The following AGBL1 variants were observed in gnomAD, a reference collection of about 807,000 sequenced individuals.
AGBL1 encodes the protein AGBL carboxypeptidase 1, also known as cytosolic carboxypeptidase 4.
A neutral mutation model predicts 118.9 loss-of-function variants in AGBL1; 130 were observed. The observed-to-expected ratio is 1.09, with a 90% CI of 0.95 to 1.26. The LOEUF is 1.26. AGBL1 is among the 50% of genes most tolerant of loss of function. AGBL1 has a pLI of 0.00. For synonymous variants in AGBL1, 555 were observed against 478.9 expected, an observed-to-expected ratio of 1.16 and a Z score of -2.08; for missense variants, 1,584 against 1,298.1, an observed-to-expected ratio of 1.22 and a Z score of -3.38.
chr15:86,599,182 G>A (rs186070027), intron 21 of AGBL1, among the ~76,000 whole-genome samples: 9 of 152,196 alleles, frequency 5.9e-5, no homozygotes, highest in Admixed American at 5.9e-4. Flanking sequence ...AAGTTTTTAA[G>A]CCAGAGTTAC....
chr15:86,157,595 G>A (rs955913261), intron 4 of AGBL1, among the ~76,000 whole-genome samples: 1 of 152,026 alleles, frequency 6.6e-6, no homozygotes, highest in Non-Finnish European at 1.5e-5. Flanking sequence ...TGTTCCATAA[G>A]GTATTTAAAA....
At chr15:86,430,177 C>T (rs765474786) in intron 18 of AGBL1, among the ~76,000 whole-genome samples, 25 of 152,132 alleles carry the variant, frequency 1.6e-4, no homozygotes, top group Non-Finnish European at 2.8e-4. Flanking sequence ...ATTTACTAAG[C>T]ACCTTAAAGC....
chr15:86,963,099 T>C (rs767647147), intron 23 of AGBL1, among the ~76,000 whole-genome samples: 49 of 152,122 alleles, frequency 3.2e-4, no homozygotes, highest in Non-Finnish European at 5.9e-5. Flanking sequence ...TGAATTCATA[T>C]ATATCAGCAT....
intron 18 of AGBL1, among the ~76,000 whole-genome samples, chr15:86,426,124 A>G (rs892900704): frequency 2.0e-5 from 3 of 152,214 alleles, no homozygotes; most frequent in Admixed American, 6.5e-5. Flanking sequence ...ACAGGAACCA[A>G]TATAGAAATG....
At chr15:86,211,055 T>G (rs191051747) in intron 5 of AGBL1, among the ~76,000 whole-genome samples, 1 of 152,348 alleles carries the variant, frequency 6.6e-6, no homozygotes, top group Admixed American at 6.5e-5. Flanking sequence ...TTGTTAGTTT[T>G]CCTTCTAAGA....
At chr15:86,920,779 C>T (rs1387017992), downstream of AGBL1, among the ~76,000 whole-genome samples, 2 of 152,122 alleles carry the variant, frequency 1.3e-5, no homozygotes, top group African/African-American at 2.4e-5. Flanking sequence ...GATTTGAACT[C>T]GACAAGTACA....
rs2077615187 is a variant in AGBL1, at chr15:86,185,425, T to C, written c.488+26399T>C. ...TACTGGATATATACCCAAAGGATTA[T>C]AAATCATGCTGCTATAAAGACACAT... On this transcript the variant is annotated intron_variant, in intron 5 of 22. Transcript: ENST00000614907. 2.0e-5 allele frequency among the ~76,000 whole-genome samples: 3 copies of C among 152,146 alleles called. No individual in the cohort carries two copies. In the South Asian group the frequency reaches 6.2e-4, roughly 32 times the overall value.
At chr15:86,835,152 A>C (rs2079153739) in intron 22 of AGBL1, among the ~76,000 whole-genome samples, 1 of 152,142 alleles carries the variant, frequency 6.6e-6, no homozygotes, top group Non-Finnish European at 1.5e-5. Context: ...GTCCAGGCTA[A>C]GACAGGTGTA....
At chr15:86,748,425 G>A (rs2077790769) in intron 22 of AGBL1, among the ~76,000 whole-genome samples, 1 of 143,404 alleles carries the variant, frequency 7.0e-6, no homozygotes, top group African/African-American at 2.6e-5. Context: ...CTCCCATTCT[G>A]TAGGTTGCCA....
chr15:86,831,022 G>A lies in AGBL1; in HGVS notation c.3159-76065G>A, dbSNP rs557562378. On this transcript the variant is annotated intron_variant, in intron 22 of 22. Transcript: ENST00000614907. ...AATTATGGCAGAAGGCAAAGGAAGAGCAAAGTCATGTCTTAGGTGGCTACA... is the reference window on the plus strand; with the variant it reads ...AATTATGGCAGAAGGCAAAGGAAGAACAAAGTCATGTCTTAGGTGGCTACA... 7.2e-5 allele frequency among the ~76,000 whole-genome samples: 11 copies of A among 152,316 alleles called. No individual in the cohort carries two copies. The East Asian group carries it at 1.7e-3, about 24-fold the overall frequency.
intron 17 of AGBL1, among the ~76,000 whole-genome samples, chr15:86,304,114 C>T (rs991874834): frequency 6.6e-6 from 1 of 152,122 alleles, no homozygotes; most frequent in Non-Finnish European, 1.5e-5. Context: ...GTAATATGTT[C>T]TAGGCTCCTC....
intron 22 of AGBL1, among the ~76,000 whole-genome samples, chr15:86,854,212 G>A (rs182923748): frequency 6.6e-6 from 1 of 152,140 alleles, no homozygotes; most frequent in Non-Finnish European, 1.5e-5. Context: ...GTTGATGGGG[G>A]TGTACATCCC....
At chr15:86,521,742 T>A (rs1470387058) in intron 18 of AGBL1, among the ~76,000 whole-genome samples, 1 of 152,130 alleles carries the variant, frequency 6.6e-6, no homozygotes, top group Non-Finnish European at 1.5e-5. Flanking sequence ...ACAAACTGGG[T>A]GGCTTAAAAC....
chr15:86,393,353 T>C (rs1239143053), intron 17 of AGBL1, among the ~76,000 whole-genome samples: 2 of 152,212 alleles, frequency 1.3e-5, no homozygotes, highest in Non-Finnish European at 2.9e-5. Flanking sequence ...AGTGTTTTGT[T>C]AGTGTCAAAA....
At chr15:86,123,782 G>T (rs975223659) in intron 1 of AGBL1, among the ~76,000 whole-genome samples, 2 of 152,152 alleles carry the variant, frequency 1.3e-5, no homozygotes, top group Non-Finnish European at 2.9e-5. Flanking sequence ...TTGAGCACAT[G>T]TTCTCAGGAT....
chr15:86,684,485 T>C (rs1008908015), intron 22 of AGBL1, among the ~76,000 whole-genome samples: 1 of 151,480 alleles, frequency 6.6e-6, no homozygotes, highest in African/African-American at 2.4e-5. Context: ...CTTTTTTCTC[T>C]TCTATTTCTT....
intron 22 of AGBL1, among the ~76,000 whole-genome samples, chr15:86,773,052 C>T (rs754685497): frequency 4.0e-4 from 61 of 152,096 alleles, no homozygotes; most frequent in East Asian, 9.7e-4. Context: ...CTGGATTTTT[C>T]GGAATCAAGG....
At chr15:86,327,001 T>A (rs774955071) in intron 17 of AGBL1, among the ~76,000 whole-genome samples, 25 of 150,938 alleles carry the variant, frequency 1.7e-4, no homozygotes, top group Non-Finnish European at 3.2e-4. Context: ...AGGAGAAGGA[T>A]TTGAGGAAAA....
chr15:86,172,955 A>C (rs1238313322), intron 5 of AGBL1, among the ~76,000 whole-genome samples: 1 of 152,058 alleles, frequency 6.6e-6, no homozygotes, highest in Non-Finnish European at 1.5e-5. Flanking sequence ...GTATAAATTT[A>C]GATTCTGACT....
Sources: gnomAD v4.1 joint callset for allele counts (sites outside exome capture counted in the v4.1 genomes callset) on GRCh38, gnomAD v4.1.1 for gene constraint, MANE v1.5 for transcripts, NCBI Gene and HGNC (gene_info 2026-07-23, HGNC 2026-07-21) for gene names.